The following FRMD4A variants were observed in gnomAD, a reference collection of about 807,000 sequenced individuals.
The protein encoded by FRMD4A is FERM domain containing 4A.
In FRMD4A, 29 loss-of-function variants were observed where a neutral mutation model predicts 129.1. The observed-to-expected ratio is 0.22, with a 90% CI of 0.17 to 0.31. FRMD4A has a LOEUF of 0.31. FRMD4A is among the 10% of genes least tolerant of loss of function. The pLI is 1.00. For synonymous variants in FRMD4A, 634 were observed against 571.6 expected, an observed-to-expected ratio of 1.11 and a Z score of -1.56; for missense variants, 1,272 against 1,375.8, an observed-to-expected ratio of 0.92 and a Z score of 1.19.
intron 6 of FRMD4A, among the ~76,000 whole-genome samples, chr10:13,767,521 G>T (rs1157027452): frequency 6.6e-6 from 1 of 152,152 alleles, no homozygotes; most frequent in African/African-American, 2.4e-5. Context: ...TTACAGGCAT[G>T]AGCCTCCGTG....
chr10:14,276,344 C>T (rs2132053740), intron 2 of FRMD4A, among the ~76,000 whole-genome samples: 1 of 152,288 alleles, frequency 6.6e-6, no homozygotes, highest in African/African-American at 2.4e-5. Flanking sequence ...ACTGGTACAG[C>T]TTTGACTCAA....
At chr10:13,804,637 C>T (rs1036466052) in intron 4 of FRMD4A, among the ~76,000 whole-genome samples, 2 of 151,720 alleles carry the variant, frequency 1.3e-5, no homozygotes, top group Non-Finnish European at 2.9e-5. Flanking sequence ...TCCCGCCTCC[C>T]GGGTTCAAGC....
chr10:13,666,679 T>C (rs1294076839), intron 17 of FRMD4A, among the ~76,000 whole-genome samples: 1 of 152,142 alleles, frequency 6.6e-6, no homozygotes, highest in Non-Finnish European at 1.5e-5. Flanking sequence ...GACTGTCACT[T>C]CCTTTCCATT....
chr10:13,656,520 G>T, intron 22 of FRMD4A, 116 bp downstream of exon 22: 1 of 1,178,472 alleles, frequency 8.5e-7, no homozygotes, highest in Non-Finnish European at 1.1e-6. Flanking sequence ...ATTAATTAAT[G>T]ATTCCCGTTC....
intron 14 of FRMD4A, 107 bp downstream of exon 14, chr10:13,701,233 T>A (rs1054031172): frequency 1.1e-5 from 11 of 992,828 alleles, no homozygotes; most frequent in Non-Finnish European, 1.6e-5. Flanking sequence ...GTGCAAGGTA[T>A]GGACCCGGGC....
intron 2 of FRMD4A, among the ~76,000 whole-genome samples, chr10:13,961,455 A>G (rs562109481): frequency 6.6e-6 from 1 of 152,362 alleles, no homozygotes; most frequent in African/African-American, 2.4e-5. Flanking sequence ...GCCAAGCTGT[A>G]TAGGCAACAT....
rs543020690 is a variant in FRMD4A, at chr10:13,707,904, G to C, written c.760-791C>G. The C allele has an allele frequency of 8.1e-6, 8 of 985,052 alleles. No homozygotes were observed. In the African/African-American group the frequency reaches 1.0e-4, roughly 13 times the overall value. The allele number at this position is 985,052 out of a possible 1,614,324, so 61.0% of individuals were successfully genotyped here. ...CAGTGAGCTCGTTAACTGAGAAGCTGACTGTAATGTTTGGAAGTAATTAGG... is the reference window on the plus strand; with the variant it reads ...CAGTGAGCTCGTTAACTGAGAAGCTCACTGTAATGTTTGGAAGTAATTAGG... On this transcript the variant is annotated intron_variant, in intron 12 of 24. Transcript: ENST00000357447.
intron 2 of FRMD4A, among the ~76,000 whole-genome samples, chr10:14,005,925 G>A (rs116720791): frequency 3.9e-4 from 60 of 152,280 alleles, no homozygotes; most frequent in African/African-American, 1.2e-3. Context: ...AAGGTCTTCC[G>A]CGTCATTAGA....
At chr10:14,121,599 A>T (rs1331941296) in intron 2 of FRMD4A, among the ~76,000 whole-genome samples, 1 of 152,192 alleles carries the variant, frequency 6.6e-6, no homozygotes, top group Admixed American at 6.5e-5. Context: ...GGGCAAAGCA[A>T]CATCCCTGGA....
chr10:14,120,747 T>C (rs1035272556), intron 2 of FRMD4A, among the ~76,000 whole-genome samples: 4 of 152,108 alleles, frequency 2.6e-5, no homozygotes, highest in Non-Finnish European at 5.9e-5. Flanking sequence ...TTTACGTGAG[T>C]GAGAAATAAA....
chr10:13,987,526 C>T (rs1436942835), intron 2 of FRMD4A, among the ~76,000 whole-genome samples: 3 of 152,156 alleles, frequency 2.0e-5, no homozygotes, highest in Non-Finnish European at 2.9e-5. Context: ...GTTCGCCCAA[C>T]GTCAGGAACC....
chr10:13,782,294 C>T (rs2092756389), intron 6 of FRMD4A, among the ~76,000 whole-genome samples: 1 of 152,046 alleles, frequency 6.6e-6, no homozygotes, highest in South Asian at 2.1e-4. Flanking sequence ...GTGCATTTGT[C>T]ATACTTGTCT....
At chr10:13,701,259 T>C (rs2086805711) in intron 14 of FRMD4A, 81 bp downstream of exon 14, 2 of 1,352,000 alleles carry the variant, frequency 1.5e-6, no homozygotes, top group Admixed American at 1.8e-5. Context: ...ACATGGCGCC[T>C]CCCCCACCCA....
At chr10:13,750,441 T>A (rs74406157) in intron 8 of FRMD4A, among the ~76,000 whole-genome samples, 2,019 of 152,206 alleles carry the variant, frequency 0.013, 82 homozygotes, top group South Asian at 0.12. Flanking sequence ...TGAGAGGAGC[T>A]CCTACAAAGC....
intron 6 of FRMD4A, among the ~76,000 whole-genome samples, chr10:13,781,355 A>G (rs1383166687): frequency 6.8e-6 from 1 of 146,078 alleles, no homozygotes; most frequent in Admixed American, 6.8e-5. Context: ...TACACGCTAC[A>G]ACATGGATGA....
At chr10:13,751,236 G>A (rs1588556129) in intron 8 of FRMD4A, among the ~76,000 whole-genome samples, 1 of 152,168 alleles carries the variant, frequency 6.6e-6, no homozygotes, top group East Asian at 1.9e-4. Context: ...TTGCCCTGAT[G>A]ACAGCCACAG....
chr10:13,799,105 C>T (rs763529019), intron 4 of FRMD4A, among the ~76,000 whole-genome samples: 2 of 152,226 alleles, frequency 1.3e-5, no homozygotes, highest in African/African-American at 2.4e-5. Flanking sequence ...TCTGCACTTC[C>T]CAGTCTACAG....
chr10:14,093,985 C>T (rs1836800502), intron 2 of FRMD4A, among the ~76,000 whole-genome samples: 1 of 152,220 alleles, frequency 6.6e-6, no homozygotes, highest in Admixed American at 6.5e-5. Context: ...CAGTGACTTG[C>T]CTTGTCAAAT....
chr10:13,774,959 A>AAC (rs1554890765), intron 6 of FRMD4A, among the ~76,000 whole-genome samples: 10 of 150,784 alleles, frequency 6.6e-5, no homozygotes, highest in Admixed American at 3.3e-4. Context: ...AGAAAAAAAA[A>AAC]AACAACAAAA....
Sources: allele counts gnomAD v4.1 joint callset (sites outside exome capture counted in the v4.1 genomes callset), GRCh38; gene constraint gnomAD v4.1.1; transcripts MANE v1.5; gene names NCBI Gene and HGNC (gene_info 2026-07-23, HGNC 2026-07-21).